Variants in TRAM2 observed in about 807,000 individuals in gnomAD.
TRAM2 encodes the protein translocating chain-associated membrane protein 2.
TRAM2 carries 12 observed loss-of-function variants against 51.0 expected under a neutral mutation model. That is an observed-to-expected ratio of 0.24 (90% CI 0.15 to 0.38). The LOEUF is 0.38. TRAM2 is among the 10% of genes least tolerant of loss of function. The probability of loss-of-function intolerance (pLI) is 1.00; values close to 1 mark genes in which losing one functional copy is unlikely to be tolerated. For missense variants in TRAM2, 361 were observed against 462.0 expected, an observed-to-expected ratio of 0.78 and a Z score of 2.00; for synonymous variants, 175 against 179.4, an observed-to-expected ratio of 0.98 and a Z score of 0.20.
chr6:52,504,794 G>T (rs1286627841), intron 9 of TRAM2, 40 bp from the exon 10 acceptor site: 1 of 1,551,070 alleles, frequency 6.4e-7, no homozygotes, highest in South Asian at 1.2e-5. Context: ...TGGGGCTTGG[G>T]CTCACAGCCT....
chr6:52,509,549 T>C lies in TRAM2; in HGVS notation c.449A>G (p.Asp150Gly). ...YLTNPRSLWE[D>G]YPHVHLPFQV... ...TCACGGGAGGTGCACATGCGGGTAG[T>C]CTTCCCAGAGGCTTCTTGGGTTTGT... Residue 150 changes from aspartate to glycine, a missense_variant, in exon 5 of 11, where the codon GAC becomes GGC. Physicochemically the swap from Asp to Gly is moderately conservative, Grantham distance 94. Transcript: ENST00000182527. The C allele has an allele frequency of 6.2e-7, 1 of 1,614,064 alleles. No homozygotes were observed. Among genetic ancestry groups the C allele is most frequent in the Non-Finnish European group, 8.5e-7 (1 of 1,179,978 alleles).
chr6:52,515,019 G>A (rs1328630021), intron 4 of TRAM2, among the ~76,000 whole-genome samples: 1 of 152,170 alleles, frequency 6.6e-6, no homozygotes, highest in Non-Finnish European at 1.5e-5. Context: ...TAAAAACAAT[G>A]TACAAAAGGA....
chr6:52,543,200 T>A (rs1767135385), intron 1 of TRAM2, among the ~76,000 whole-genome samples: 1 of 152,236 alleles, frequency 6.6e-6, no homozygotes, highest in Non-Finnish European at 1.5e-5. Context: ...ACTAGGTATT[T>A]CTAATACTTA....
chr6:52,557,161 C>G (rs1767424604), intron 1 of TRAM2, among the ~76,000 whole-genome samples: 1 of 139,264 alleles, frequency 7.2e-6, no homozygotes, highest in Admixed American at 7.4e-5. Context: ...CCGTTGCACT[C>G]CAGCCTGGGA....
In TRAM2 at chr6:52,498,843, C is replaced by G. The variant is rs915241756; in HGVS notation, c.*4354G>C. The G allele has an allele frequency of 6.6e-6, 1 of 152,548 alleles. No homozygotes were observed. Among genetic ancestry groups the G allele is most frequent in the African/African-American group, 2.4e-5 (1 of 41,396 alleles). 9.4% of individuals were successfully genotyped at this position (152,548 alleles called of 1,614,324 possible). A position where few individuals can be genotyped will look rare whatever the true frequency, so the allele number is the denominator to read the frequency against. ...AGCCCTGGCAACTGGGGGCTGGCCA[C>G]GGAGTACAAGTTGAAAACCACACAG... On this transcript the variant is annotated 3_prime_UTR_variant, in exon 11 of 11. Transcript: ENST00000182527.
In TRAM2 at chr6:52,565,292, T is replaced by G. The variant is rs182505621; in HGVS notation, c.120+11504A>C. ...GGCCATTTAGGTGAGGAATATCAAA[T>G]GCCCAAGCTAAAACAAAAGATCATT... is the stretch of plus-strand genomic sequence containing the variant. On this transcript the variant is annotated intron_variant, in intron 1 of 10. Coordinates refer to ENST00000182527, the MANE Select transcript of TRAM2 (RefSeq NM_012288.4). 1.3e-4 allele frequency among the ~76,000 whole-genome samples: 20 copies of G among 152,254 alleles called. No homozygotes were observed. In the East Asian group the frequency reaches 3.7e-3, roughly 28 times the overall value.
intron 2 of TRAM2, among the ~76,000 whole-genome samples, chr6:52,532,473 A>G (rs989398829): frequency 1.3e-5 from 2 of 152,198 alleles, no homozygotes; most frequent in East Asian, 3.8e-4. Context: ...TTTACAAAAC[A>G]ACTTTAAATT....
chr6:52,542,647 A>T (rs1767125033), intron 1 of TRAM2, among the ~76,000 whole-genome samples: 1 of 152,216 alleles, frequency 6.6e-6, no homozygotes, highest in African/African-American at 2.4e-5. Context: ...ATTCTCTACA[A>T]GCCTGTGATC....
chr6:52,562,277 G>A (rs144402313), intron 1 of TRAM2, among the ~76,000 whole-genome samples: 32 of 152,276 alleles, frequency 2.1e-4, no homozygotes, highest in African/African-American at 7.5e-4. Flanking sequence ...GATAAACTTG[G>A]GGGTCATCAG....
chr6:52,516,776 G>A, intron 2 of TRAM2, 39 bp from the exon 3 acceptor site: 2 of 1,510,938 alleles, frequency 1.3e-6, no homozygotes, highest in Non-Finnish European at 1.8e-6. Flanking sequence ...ATCCCTGGGG[G>A]AAGGAAATAC....
chr6:52,549,363 A>G (rs1484621735), intron 1 of TRAM2, among the ~76,000 whole-genome samples: 1 of 150,308 alleles, frequency 6.7e-6, no homozygotes, highest in African/African-American at 2.4e-5. Context: ...CATGGTGCGC[A>G]TTTCAAAGCT....
intron 1 of TRAM2, 39 bp downstream of exon 1, chr6:52,576,757 G>T (rs1467121276): frequency 4.4e-6 from 7 of 1,604,622 alleles, no homozygotes; most frequent in South Asian, 2.2e-5. Flanking sequence ...CACGACAGGG[G>T]GCACTGTCCC....
At chr6:52,573,737 G>A (rs908017810) in intron 1 of TRAM2, among the ~76,000 whole-genome samples, 4 of 152,168 alleles carry the variant, frequency 2.6e-5, no homozygotes, top group Non-Finnish European at 5.9e-5. Flanking sequence ...AAGCCCTGGG[G>A]TCCCTAACGG....
At chr6:52,553,577 C>T (rs9349634) in intron 1 of TRAM2, among the ~76,000 whole-genome samples, 33,681 of 152,176 alleles carry the variant, frequency 0.22, 3,908 homozygotes, top group Non-Finnish European at 0.27. Context: ...CCCCATTCTA[C>T]CATCACTCCT....
intron 1 of TRAM2, among the ~76,000 whole-genome samples, chr6:52,576,086 G>A (rs1298194247): frequency 2.0e-5 from 3 of 152,140 alleles, no homozygotes; most frequent in South Asian, 4.1e-4. Flanking sequence ...AAAAGTGGAG[G>A]GTATCCCTGT....
At chr6:52,556,914 T>G (rs1767416298) in intron 1 of TRAM2, among the ~76,000 whole-genome samples, 2 of 114,658 alleles carry the variant, frequency 1.7e-5, no homozygotes, top group Admixed American at 1.0e-4. Context: ...GATGACAGAG[T>G]GAGACTCCAT....
At position 52,558,141 on chromosome 6, in the gene TRAM2, T is replaced by A. The variant is rs182425734; in HGVS notation, c.120+18655A>T. ...TGGGCTCAGCTATAGAGCACAGCTC[T>A]CGCACAAGCAAAACCTGCAGACTTG... On this transcript the variant is annotated intron_variant, in intron 1 of 10. Transcript: ENST00000182527. Among the ~76,000 whole-genome samples the A allele has an allele frequency of 3.5e-3, 531 of 152,276 alleles. 6 individuals are homozygous for A. The highest frequency in any genetic ancestry group is 0.013 in the South Asian group (62 of 4,816).
At chr6:52,525,592 G>A (rs1439026143) in intron 2 of TRAM2, among the ~76,000 whole-genome samples, 1 of 152,124 alleles carries the variant, frequency 6.6e-6, no homozygotes, top group Non-Finnish European at 1.5e-5. Flanking sequence ...GGTGGATCAC[G>A]AGATCAGGAG....
intron 5 of TRAM2, among the ~76,000 whole-genome samples, chr6:52,508,716 T>C (rs944933280): frequency 7.9e-5 from 12 of 152,256 alleles, no homozygotes; most frequent in African/African-American, 2.9e-4. Context: ...CCCTACATCC[T>C]TTGCTATTAT....
Sources: allele counts gnomAD v4.1 joint callset (sites outside exome capture counted in the v4.1 genomes callset), GRCh38; gene constraint gnomAD v4.1.1; transcripts MANE v1.5; gene names NCBI Gene and HGNC (gene_info 2026-07-23, HGNC 2026-07-21).